ZNF157: variants seen among roughly 807,000 people sequenced by gnomAD.
The protein encoded by ZNF157 is zinc finger protein 22.
A neutral mutation model predicts 9.4 loss-of-function variants in ZNF157; 8 were observed. The observed-to-expected ratio is 0.85, with a 90% CI of 0.50 to 1.53. The LOEUF (loss-of-function observed/expected upper bound fraction) is 1.53, where lower values mean the gene tolerates loss of function less well. Ranked by LOEUF, ZNF157 falls within the 40% of genes most tolerant of loss-of-function variation. The pLI is 0.00. For missense variants in ZNF157, 316 were observed against 385.2 expected (o/e 0.82, Z 1.50); for synonymous variants, 120 against 130.8 (o/e 0.92, Z 0.56).
At position 47,410,764 on chromosome X, in the gene ZNF157, A is replaced by G. The variant is rs1442779440; in HGVS notation, c.284A>G (p.His95Arg). ...ATATTAGAGGAGGAATCCTCAGGCC[A>G]TGGTTACTCAGGTAAGTACTGGGCA... The part of the protein sequence containing the change: ...LWILEEESSG[H>R]GYSGSLSLLC... Residue 95 changes from histidine to arginine, a missense_variant, in exon 3 of 4, where the codon CAT becomes CGT. Coordinates refer to ENST00000377073, the MANE Select transcript of ZNF157 (RefSeq NM_003446.4). 2 of 1,199,688 alleles carry G rather than the reference A, an allele frequency of 1.7e-6. No individual in the cohort carries two copies. Among genetic ancestry groups the G allele is most frequent in the African/African-American group, 3.5e-5 (2 of 56,986 alleles).
At chrX:47,379,433 G>A (rs1428333223) in intron 1 of ZNF157, among the ~76,000 whole-genome samples, 2 of 97,338 alleles carry the variant, frequency 2.1e-5, no homozygotes, top group African/African-American at 7.8e-5. Context: ...TTTTTTTTGA[G>A]ACAGGGTCTG....
intron 1 of ZNF157, among the ~76,000 whole-genome samples, chrX:47,391,506 G>C (rs139691300): frequency 0.024 from 2,708 of 111,919 alleles, 73 homozygotes; most frequent in African/African-American, 0.083. Flanking sequence ...GTGCTTGAAA[G>C]GTTTTGTATT....
At chrX:47,400,726 G>T (rs916685858) in intron 1 of ZNF157, among the ~76,000 whole-genome samples, 5 of 111,635 alleles carry the variant, frequency 4.5e-5, no homozygotes, top group Admixed American at 9.6e-5. Flanking sequence ...TGCTATCAGG[G>T]CTCACTGCAG....
chrX:47,409,872 C>T (rs755849754), intron 1 of ZNF157, among the ~76,000 whole-genome samples: 1 of 110,981 alleles, frequency 9.0e-6, no homozygotes, highest in South Asian at 3.8e-4. Flanking sequence ...TGGTCTTGAA[C>T]TCCTGATCTC....
chrX:47,379,020 C>T (rs2055853289), intron 1 of ZNF157, among the ~76,000 whole-genome samples: 1 of 111,381 alleles, frequency 9.0e-6, no homozygotes, highest in African/African-American at 3.3e-5. Context: ...AAGTGTTTTG[C>T]AAATATTTTC....
At chrX:47,385,002 C>T (rs907962088) in intron 1 of ZNF157, among the ~76,000 whole-genome samples, 4 of 111,390 alleles carry the variant, frequency 3.6e-5, no homozygotes, top group African/African-American at 1.3e-4. Flanking sequence ...AGGAGCTGGT[C>T]GGTTCTGTCA....
chrX:47,374,998 CTTTTTTTTTTT>C lies in ZNF157; in HGVS notation c.72+4284_72+4294del, dbSNP rs769541152. Among the ~76,000 whole-genome samples, 111 of 24,969 alleles carry C rather than the reference CTTTTTTTTTTT, an allele frequency of 4.4e-3. 1 individual carries two copies. Among genetic ancestry groups the C allele is most frequent in the African/African-American group, 4.9e-3 (33 of 6,724 alleles). The allele number at this position is 24,969 out of a possible 115,157, so 21.7% of individuals were successfully genotyped here. On this transcript the variant is annotated intron_variant, in intron 1 of 3. Transcript: ENST00000377073. The stretch of plus-strand genomic sequence containing the variant: ...GTGAGCCCTGAGCCCGGCTGACAAT[CTTTTTTTTTTT>C]TTTTTTTTTTTTTTTTTTTTTTTTT...
Position 47,413,424 on chromosome X carries a change from T to G in ZNF157, c.1351T>G (p.Phe451Val), listed in dbSNP as rs751788837. The G allele has an allele frequency of 3.3e-6, 4 of 1,211,967 alleles. No individual in the cohort carries two copies. The South Asian group carries it at 5.3e-5, about 16-fold the overall frequency. Residue 451 changes from phenylalanine (F) to valine (V), a missense_variant, in exon 4 of 4, where the codon TTC (phenylalanine) becomes GTC (valine). By Grantham distance (50) the Phe-to-Val change is conservative. Around this residue, in one of 3 missense-constraint regions of ZNF157, gnomAD observed 167 missense variants for 183.6 expected, o/e 0.91. Transcript: ENST00000377073. ...TGAATGTAGTGAATGTGGAAATGCC[T>G]TCTATGTGAAAGTACGCCTCATTGA... is the stretch of plus-strand genomic sequence containing the variant. ...PYECSECGNA[F>V]YVKVRLIEHQ... is the part of the protein sequence containing the mutation.
Position 47,412,736 on chromosome X carries a change from T to G in ZNF157, c.663T>G (p.Asn221Lys). ...THTGERPFEC[N>K]ECGKSFGRKS... ...CAGGGGAGAGGCCCTTTGAATGTAA[T>G]GAATGTGGGAAATCTTTTGGCAGGA... The change falls in exon 4 of 4, where the codon AAT becomes AAG. Residue 221 changes from asparagine (N) to lysine (K), a missense_variant. Around this residue, in one of 3 missense-constraint regions of ZNF157, gnomAD observed 146 missense variants for 183.8 expected, o/e 0.79. Coordinates refer to ENST00000377073, the MANE Select transcript of ZNF157 (RefSeq NM_003446.4). 1 of 1,211,631 alleles carries G rather than the reference T, an allele frequency of 8.3e-7. No homozygotes were observed. Among genetic ancestry groups the G allele is most frequent in the Non-Finnish European group, 1.1e-6 (1 of 895,501 alleles).
At chrX:47,382,215 C>CCTTTGTCA (rs2055865412) in intron 1 of ZNF157, among the ~76,000 whole-genome samples, 1 of 108,636 alleles carries the variant, frequency 9.2e-6, no homozygotes, top group Non-Finnish European at 1.9e-5. Flanking sequence ...TTCTGTCTGT[C>CCTTTGTCA]CTTTGTCATC....
chrX:47,403,353 G>T (rs2055936537), intron 1 of ZNF157, among the ~76,000 whole-genome samples: 1 of 110,193 alleles, frequency 9.1e-6, no homozygotes, highest in Non-Finnish European at 1.9e-5. Flanking sequence ...TATTTTTTGA[G>T]ATGGGGTCTC....
chrX:47,389,636 C>A (rs2055891071), intron 1 of ZNF157, among the ~76,000 whole-genome samples: 1 of 112,239 alleles, frequency 8.9e-6, no homozygotes, highest in African/African-American at 3.2e-5. Flanking sequence ...CACAGTGGCT[C>A]ATGCCTGTAA....
At chrX:47,406,790 A>C (rs185923442) in intron 1 of ZNF157, among the ~76,000 whole-genome samples, 10 of 112,622 alleles carry the variant, frequency 8.9e-5, no homozygotes, top group Admixed American at 4.8e-4. Context: ...GAACAGAGAC[A>C]GTTTTATTTA....
intron 1 of ZNF157, among the ~76,000 whole-genome samples, chrX:47,402,458 C>A (rs2055932961): frequency 9.1e-6 from 1 of 109,978 alleles, no homozygotes. Context: ...GAGAATATTT[C>A]TATTTCTTCT....
intron 1 of ZNF157, among the ~76,000 whole-genome samples, chrX:47,381,016 C>G (rs1279125539): frequency 0.012 from 292 of 24,478 alleles, no homozygotes; most frequent in Non-Finnish European, 0.015. Flanking sequence ...GGAAGAGGAG[C>G]AGGAGGAGGA....
chrX:47,389,680 C>T (rs2055891205), intron 1 of ZNF157, among the ~76,000 whole-genome samples: 1 of 111,473 alleles, frequency 9.0e-6, no homozygotes, highest in East Asian at 2.8e-4. Flanking sequence ...GTGGGTGGAT[C>T]ACTTGAGGTC....
At chrX:47,374,078 A>G (rs1369919325) in intron 1 of ZNF157, among the ~76,000 whole-genome samples, 1 of 110,876 alleles carries the variant, frequency 9.0e-6, no homozygotes, top group Non-Finnish European at 1.9e-5. Flanking sequence ...GTAGCTGGTC[A>G]GTACGAAGCT....
intron 1 of ZNF157, among the ~76,000 whole-genome samples, chrX:47,407,662 T>C (rs1266933329): frequency 8.9e-6 from 1 of 111,781 alleles, no homozygotes; most frequent in East Asian, 2.8e-4. Flanking sequence ...TCGTTAGAGG[T>C]ATATAGTAAT....
intron 1 of ZNF157, among the ~76,000 whole-genome samples, chrX:47,391,990 C>T (rs769567135): frequency 3.3e-4 from 36 of 109,656 alleles, no homozygotes; most frequent in South Asian, 1.2e-3. Flanking sequence ...CCCAGGTTCA[C>T]GCCATTCTCC....
Sources: gnomAD v4.1 joint callset for allele counts (sites outside exome capture counted in the v4.1 genomes callset) on GRCh38, gnomAD v4.1.1 for gene constraint, gnomAD v4.1.1 regional missense constraint, MANE v1.5 for transcripts, NCBI Gene and HGNC (gene_info 2026-07-23, HGNC 2026-07-21) for gene names.